CSMD1: variants seen among roughly 807,000 people sequenced by gnomAD.
CSMD1 encodes CUB and Sushi multiple domains 1, also known as CUB and sushi domain-containing protein 1.
In CSMD1, 213 loss-of-function variants were observed where a neutral mutation model predicts 417.5. The observed-to-expected ratio is 0.51, with a 90% CI of 0.46 to 0.57. The LOEUF (loss-of-function observed/expected upper bound fraction) is 0.57, where lower values mean the gene tolerates loss of function less well. Among genes scored for constraint, CSMD1 ranks in the 20% least tolerant of loss-of-function variants. The pLI, the probability that CSMD1 is intolerant of heterozygous loss-of-function variation, is 0.00. For synonymous variants in CSMD1, 2,862 were observed against 1,736.8 expected (o/e 1.65, Z -16.11); for missense variants, 6,923 against 4,529.7 (o/e 1.53, Z -15.17).
At chr8:4,366,637 T>C (rs34690924) in intron 3 of CSMD1, among the ~76,000 whole-genome samples, 36,306 of 152,042 alleles carry the variant, frequency 0.24, 4,577 homozygotes, top group Middle Eastern at 0.3. Flanking sequence ...TCATGAGAGA[T>C]GGTATCTCAT....
chr8:3,551,830 G>A (rs12675402), intron 10 of CSMD1, among the ~76,000 whole-genome samples: 1 of 152,084 alleles, frequency 6.6e-6, no homozygotes, highest in Non-Finnish European at 1.5e-5. Flanking sequence ...CATCAGTCTA[G>A]ACGTGGCTTT....
At chr8:3,770,890 T>C (rs1436424001) in intron 5 of CSMD1, among the ~76,000 whole-genome samples, 3 of 152,152 alleles carry the variant, frequency 2.0e-5, no homozygotes, top group African/African-American at 7.2e-5. Flanking sequence ...TCTCATAGCA[T>C]TTTGCAGGAT....
intron 11 of CSMD1, among the ~76,000 whole-genome samples, chr8:3,481,173 AAAAAAAC>A (rs1264937696): frequency 6.6e-6 from 1 of 150,512 alleles, no homozygotes; most frequent in Non-Finnish European, 1.5e-5. Flanking sequence ...AAAAAAAAAA[AAAAAAAC>A]CAGAGTAGTT....
intron 48 of CSMD1, among the ~76,000 whole-genome samples, chr8:3,087,764 T>C (rs1012594263): frequency 5.9e-5 from 9 of 152,262 alleles, no homozygotes; most frequent in African/African-American, 2.2e-4. Context: ...TGACTTGGTC[T>C]AGAGGGATCA....
At chr8:4,004,059 G>T (rs1200597444) in intron 4 of CSMD1, among the ~76,000 whole-genome samples, 1 of 152,006 alleles carries the variant, frequency 6.6e-6, no homozygotes, top group African/African-American at 2.4e-5. Context: ...AGAAAAAAGG[G>T]TATAATGTCT....
intron 5 of CSMD1, among the ~76,000 whole-genome samples, chr8:3,835,812 T>C (rs1374412508): frequency 6.6e-6 from 1 of 152,112 alleles, no homozygotes; most frequent in African/African-American, 2.4e-5. Flanking sequence ...AAGAGTAATT[T>C]TTCAGTCTAG....
chr8:4,953,483 G>C (rs1387534640), intron 1 of CSMD1, among the ~76,000 whole-genome samples: 2 of 152,042 alleles, frequency 1.3e-5, no homozygotes, highest in African/African-American at 4.8e-5. Flanking sequence ...AGCATTTCTG[G>C]ATGAACCCAA....
intron 1 of CSMD1, among the ~76,000 whole-genome samples, chr8:4,690,264 G>C (rs1028827145): frequency 2.0e-5 from 3 of 152,084 alleles, no homozygotes; most frequent in African/African-American, 4.8e-5. Context: ...AATTTCCCTT[G>C]CTTTCAATCC....
chr8:4,653,978 T>C (rs1708617450), intron 1 of CSMD1, among the ~76,000 whole-genome samples: 1 of 152,126 alleles, frequency 6.6e-6, no homozygotes, highest in African/African-American at 2.4e-5. Context: ...CATTTACTCA[T>C]GATTAGGTTC....
intron 1 of CSMD1, among the ~76,000 whole-genome samples, chr8:4,662,951 T>C (rs565371148): frequency 7.8e-4 from 118 of 152,232 alleles, no homozygotes; most frequent in Non-Finnish European, 1.4e-3. Flanking sequence ...GAGGTTACTC[T>C]TAAGGAATGT....
chr8:4,408,948 A>G (rs7831879), intron 3 of CSMD1, among the ~76,000 whole-genome samples: 3,443 of 152,306 alleles, frequency 0.023, 108 homozygotes, highest in African/African-American at 0.077. Flanking sequence ...TACATGTTGC[A>G]TTCAAATTCA....
chr8:3,365,148 G>C (rs917097230), intron 20 of CSMD1, among the ~76,000 whole-genome samples: 2 of 152,164 alleles, frequency 1.3e-5, no homozygotes, highest in Non-Finnish European at 2.9e-5. Context: ...GAGGGATTTA[G>C]GAATTAGTGT....
intron 9 of CSMD1, among the ~76,000 whole-genome samples, 196 bp from the exon 10 acceptor site, chr8:3,575,262 G>A (rs928073013): frequency 1.3e-5 from 2 of 151,564 alleles, no homozygotes; most frequent in South Asian, 2.1e-4. Context: ...CTTTTGCTTG[G>A]TATCTGCAGT....
chr8:3,518,535 C>A (rs76389070), intron 10 of CSMD1, among the ~76,000 whole-genome samples: 1,592 of 152,040 alleles, frequency 0.01, 28 homozygotes, highest in African/African-American at 0.036. Flanking sequence ...TCAATGATTG[C>A]CATAAAGTAA....
In CSMD1 at chr8:4,139,441, T is replaced by A. The variant is rs1293361456; in HGVS notation, c.416-107342A>T. On this transcript the variant is annotated intron_variant, in intron 3 of 69. Coordinates refer to ENST00000635120, the MANE Select transcript of CSMD1 (RefSeq NM_033225.6). Reference sequence around the variant, plus strand: ...CTGGAGGTAAAGAACGAAGGAAGACTCTATGCCTGCCCTGGAGGCGTGGAC... The same window carrying A: ...CTGGAGGTAAAGAACGAAGGAAGACACTATGCCTGCCCTGGAGGCGTGGAC... Among the ~76,000 whole-genome samples, 36 of 151,518 alleles carry A rather than the reference T, an allele frequency of 2.4e-4. 4 individuals carry two copies. The highest frequency in any genetic ancestry group is 8.8e-4 in the African/African-American group (36 of 40,870).
At chr8:3,536,263 T>A (rs1410332790) in intron 10 of CSMD1, among the ~76,000 whole-genome samples, 1 of 152,198 alleles carries the variant, frequency 6.6e-6, no homozygotes, top group African/African-American at 2.4e-5. Flanking sequence ...GTTAATAAGT[T>A]TGTGTGTATG....
At chr8:4,353,703 A>C (rs945789981) in intron 3 of CSMD1, among the ~76,000 whole-genome samples, 1 of 152,012 alleles carries the variant, frequency 6.6e-6, no homozygotes, top group Non-Finnish European at 1.5e-5. Flanking sequence ...GCATAAGAAA[A>C]ATCTTCTTTG....
At chr8:4,199,280 T>C (rs972083647) in intron 3 of CSMD1, among the ~76,000 whole-genome samples, 23 of 152,228 alleles carry the variant, frequency 1.5e-4, no homozygotes, top group African/African-American at 5.1e-4. Flanking sequence ...TCTGCTATGG[T>C]CATTGATATG....
intron 3 of CSMD1, among the ~76,000 whole-genome samples, chr8:4,237,779 C>T (rs773365534): frequency 6.6e-6 from 1 of 152,140 alleles, no homozygotes; most frequent in African/African-American, 2.4e-5. Flanking sequence ...CCTCAAAGTG[C>T]TGAGATTGTA....
Sources: allele counts gnomAD v4.1 joint callset (sites outside exome capture counted in the v4.1 genomes callset), GRCh38; gene constraint gnomAD v4.1.1; transcripts MANE v1.5; gene names NCBI Gene and HGNC (gene_info 2026-07-23, HGNC 2026-07-21).